Variants in EPHA6 observed in about 807,000 individuals in gnomAD.
EPHA6 encodes ephrin type-A receptor 6.
In EPHA6, 50 loss-of-function variants were observed where a neutral mutation model predicts 112.0. That is an observed-to-expected ratio of 0.45 (90% CI 0.36 to 0.56). The LOEUF (loss-of-function observed/expected upper bound fraction) is 0.56. Among genes scored for constraint, EPHA6 ranks in the 20% least tolerant of loss-of-function variants. The pLI is 0.00. For synonymous variants in EPHA6, 529 were observed against 490.7 expected, an observed-to-expected ratio of 1.08 and a Z score of -1.03; for missense variants, 1,280 against 1,417.4, an observed-to-expected ratio of 0.90 and a Z score of 1.56.
At chr3:97,191,094 T>G (rs1230442383) in intron 3 of EPHA6, among the ~76,000 whole-genome samples, 2 of 152,064 alleles carry the variant, frequency 1.3e-5, no homozygotes, top group African/African-American at 4.8e-5. Context: ...TATCCTAACT[T>G]AACTGCTTAG....
chr3:97,722,588 C>G (rs927619741), intron 15 of EPHA6, among the ~76,000 whole-genome samples: 2 of 152,092 alleles, frequency 1.3e-5, no homozygotes, highest in African/African-American at 4.8e-5. Flanking sequence ...CCAGTGGTTT[C>G]TTGCCCTCAT....
chr3:97,719,186 C>A (rs902139711), intron 14 of EPHA6, among the ~76,000 whole-genome samples: 1 of 147,438 alleles, frequency 6.8e-6, no homozygotes, highest in Non-Finnish European at 1.5e-5. Context: ...CCTTAAGGGC[C>A]AAAGAACACA....
intron 2 of EPHA6, among the ~76,000 whole-genome samples, chr3:96,982,505 G>A (rs1333468577): frequency 2.6e-5 from 4 of 152,136 alleles, no homozygotes; most frequent in African/African-American, 9.7e-5. Flanking sequence ...TAAGTGTGAT[G>A]TGGTGCTGAG....
intron 6 of EPHA6, among the ~76,000 whole-genome samples, chr3:97,406,776 T>C (rs1002108620): frequency 1.3e-5 from 2 of 152,132 alleles, no homozygotes; most frequent in Non-Finnish European, 2.9e-5. Flanking sequence ...ACAAATTTAC[T>C]GAGTTTAAAT....
intron 5 of EPHA6, among the ~76,000 whole-genome samples, chr3:97,378,958 A>G (rs1052251459): frequency 2.0e-5 from 3 of 152,142 alleles, no homozygotes; most frequent in African/African-American, 7.2e-5. Flanking sequence ...TTAGGAAGGC[A>G]TGATTTGTTT....
intron 2 of EPHA6, among the ~76,000 whole-genome samples, chr3:96,884,504 G>C (rs1276124860): frequency 1.3e-5 from 2 of 152,112 alleles, no homozygotes; most frequent in African/African-American, 2.4e-5. Context: ...AAGGAGTTGA[G>C]TTCTTGATTT....
intron 1 of EPHA6, among the ~76,000 whole-genome samples, chr3:96,822,397 G>A (rs2033329504): frequency 6.6e-6 from 1 of 151,740 alleles, no homozygotes; most frequent in Non-Finnish European, 1.5e-5. Context: ...TTTCACTCCA[G>A]TTCCTGAAAA....
chr3:96,999,849 C>T (rs1479190777), intron 3 of EPHA6, among the ~76,000 whole-genome samples: 2 of 151,876 alleles, frequency 1.3e-5, no homozygotes, highest in Admixed American at 1.3e-4. Flanking sequence ...ACAGAAGAAT[C>T]TCACAGATAG....
intron 2 of EPHA6, among the ~76,000 whole-genome samples, chr3:96,904,428 A>T (rs951105769): frequency 8.1e-6 from 1 of 123,342 alleles, no homozygotes; most frequent in African/African-American, 3.2e-5. Context: ...GGACACAGGA[A>T]GGGGAACATC....
intron 3 of EPHA6, among the ~76,000 whole-genome samples, chr3:97,092,086 G>GTT (rs150570462): frequency 2.3e-5 from 3 of 129,234 alleles, no homozygotes; most frequent in Admixed American, 7.8e-5. Context: ...GGTTAACAAG[G>GTT]TTTTTTTTTT....
At chr3:97,585,579 A>G (rs905799623) in intron 11 of EPHA6, among the ~76,000 whole-genome samples, 1 of 152,206 alleles carries the variant, frequency 6.6e-6, no homozygotes, top group Admixed American at 6.5e-5. Context: ...AAATATCTAT[A>G]GGATTCATAT....
At chr3:97,337,431 A>G (rs2083105968) in intron 5 of EPHA6, among the ~76,000 whole-genome samples, 1 of 152,174 alleles carries the variant, frequency 6.6e-6, no homozygotes, top group African/African-American at 2.4e-5. Flanking sequence ...TCTCTTCTTA[A>G]TCGTTCTCAC....
intron 11 of EPHA6, among the ~76,000 whole-genome samples, chr3:97,552,487 A>G (rs1179584951): frequency 1.3e-5 from 2 of 152,168 alleles, no homozygotes; most frequent in Non-Finnish European, 2.9e-5. Flanking sequence ...ACTTAGAAAG[A>G]ATCTAGTTCC....
At chr3:97,577,003 T>G (rs1358327778) in intron 11 of EPHA6, among the ~76,000 whole-genome samples, 1 of 152,122 alleles carries the variant, frequency 6.6e-6, no homozygotes, top group Non-Finnish European at 1.5e-5. Flanking sequence ...TTGAGGGGAC[T>G]CTTTTGTTTT....
chr3:97,220,169 T>G (rs1410292227), intron 3 of EPHA6, among the ~76,000 whole-genome samples: 1 of 152,230 alleles, frequency 6.6e-6, no homozygotes, highest in African/African-American at 2.4e-5. Flanking sequence ...ATCAGCATTT[T>G]GGTCTGAGTC....
chr3:97,517,919 G>A (rs569644637), intron 10 of EPHA6, among the ~76,000 whole-genome samples: 1 of 152,210 alleles, frequency 6.6e-6, no homozygotes, highest in East Asian at 1.9e-4. Context: ...ACAAGTAACA[G>A]AATTTCCTTT....
At chr3:97,340,014 T>C (rs958933243) in intron 5 of EPHA6, among the ~76,000 whole-genome samples, 8 of 152,104 alleles carry the variant, frequency 5.3e-5, no homozygotes, top group African/African-American at 1.9e-4. Flanking sequence ...TTGGGATATA[T>C]GAAAAACAGT....
At chr3:97,504,211 C>G (rs1215131990) in intron 10 of EPHA6, among the ~76,000 whole-genome samples, 1 of 152,160 alleles carries the variant, frequency 6.6e-6, no homozygotes, top group African/African-American at 2.4e-5. Flanking sequence ...AGCAGTCTCT[C>G]ATTGTGAAGT....
chr3:96,983,200 C>A (rs2042878886), intron 2 of EPHA6, among the ~76,000 whole-genome samples: 1 of 152,058 alleles, frequency 6.6e-6, no homozygotes, highest in Non-Finnish European at 1.5e-5. Flanking sequence ...CCGGTTGTTC[C>A]TTTCTATGTT....
Sources: allele counts gnomAD v4.1 joint callset (sites outside exome capture counted in the v4.1 genomes callset), GRCh38; gene constraint gnomAD v4.1.1; transcripts MANE v1.5; gene names NCBI Gene and HGNC (gene_info 2026-07-23, HGNC 2026-07-21).